The following ATP2B2 variants were observed in gnomAD, a reference collection of about 807,000 sequenced individuals.
The protein encoded by ATP2B2 is plasma membrane calcium-transporting ATPase 2.
A neutral mutation model predicts 120.0 loss-of-function variants in ATP2B2; 15 were observed. The ratio of observed to expected loss-of-function variants is 0.12; its 90% CI spans 0.08 to 0.19. ATP2B2 has a LOEUF of 0.19. Ranked by LOEUF, ATP2B2 falls within the 10% of genes least tolerant of loss-of-function variation. ATP2B2 has a pLI of 1.00. For missense variants in ATP2B2, 1,045 were observed against 1,719.8 expected (o/e 0.61, Z 6.94); for synonymous variants, 694 against 700.3 (o/e 0.99, Z 0.14).
At chr3:10,659,148 T>C (rs1010642124) in intron 1 of ATP2B2, among the ~76,000 whole-genome samples, 3 of 152,132 alleles carry the variant, frequency 2.0e-5, no homozygotes, top group Non-Finnish European at 4.4e-5. Context: ...ACATGCCAAA[T>C]TGTAAAGACC....
chr3:10,336,356 A>C, intron 22 of ATP2B2: 1 of 1,515,162 alleles, frequency 6.6e-7, no homozygotes. Context: ...CAACGGCTAC[A>C]TGACTGACAG....
At chr3:10,373,321 C>T (rs2061293979) in intron 11 of ATP2B2, among the ~76,000 whole-genome samples, 1 of 152,226 alleles carries the variant, frequency 6.6e-6, no homozygotes, top group Non-Finnish European at 1.5e-5. Flanking sequence ...GGATTTGAAC[C>T]TACCTCCGTT....
chr3:10,668,979 C>T (rs2071022182), intron 1 of ATP2B2, among the ~76,000 whole-genome samples: 1 of 152,226 alleles, frequency 6.6e-6, no homozygotes, highest in East Asian at 1.9e-4. Flanking sequence ...GTTAGAGGAT[C>T]TGTCCTGAGT....
At chr3:10,641,787 T>C (rs926080081) in intron 1 of ATP2B2, among the ~76,000 whole-genome samples, 4 of 152,114 alleles carry the variant, frequency 2.6e-5, no homozygotes, top group Non-Finnish European at 5.9e-5. Context: ...AGTCTAAAAG[T>C]GTAGGAGAGA....
intron 2 of ATP2B2, among the ~76,000 whole-genome samples, chr3:10,602,626 G>A (rs947650611): frequency 1.3e-5 from 2 of 152,176 alleles, no homozygotes; most frequent in African/African-American, 4.8e-5. Context: ...GATGACAAGC[G>A]ATATTATAAA....
rs1309860961 is a variant in ATP2B2 at position 10,350,305 on chromosome 3, A to G, written c.2316+93T>C. On this transcript the variant is annotated intron_variant, in intron 15 of 22. Transcript: ENST00000360273. ...AGAGTCACTGGGCTCTTAGCAGCAC[A>G]CTGGCTGGCTTCTGTACAATCATGC... is the stretch of plus-strand genomic sequence containing the variant. The G allele has an allele frequency of 5.0e-6, 8 of 1,593,004 alleles. No homozygotes were observed. The Admixed American group carries it at 1.2e-4, about 24-fold the overall frequency.
chr3:10,366,304 C>A (rs778736080), intron 12 of ATP2B2, among the ~76,000 whole-genome samples: 1 of 152,190 alleles, frequency 6.6e-6, no homozygotes, highest in Non-Finnish European at 1.5e-5. Context: ...ATGGGAAATA[C>A]AGCACAGCCA....
In ATP2B2 at chr3:10,328,559, T is replaced by TATAAAA; in HGVS notation, c.*254_*255insTTTTAT. 1 of 465,716 alleles carries TATAAAA rather than the reference T, an allele frequency of 2.1e-6. No individual in the cohort carries two copies. Among genetic ancestry groups the TATAAAA allele is most frequent in the Non-Finnish European group, 3.8e-6 (1 of 261,844 alleles). The allele number at this position is 465,716 out of a possible 1,614,324, so 28.8% of individuals were successfully genotyped here. A position where few individuals can be genotyped will look rare whatever the true frequency, so the allele number is the denominator to read the frequency against. On this transcript the variant is annotated 3_prime_UTR_variant, in exon 23 of 23. Transcript: ENST00000360273. ...TGGGTGGGAGCCAGGAAGGGCTTGT[T>TATAAAA]TTGGGAAAACCGCTCACTCCCGTAA...
intron 19 of ATP2B2, among the ~76,000 whole-genome samples, chr3:10,341,993 G>A (rs1456076110): frequency 6.6e-6 from 1 of 152,258 alleles, no homozygotes. Context: ...CCTGTAAGGA[G>A]AGAACTGGCC....
At chr3:10,485,952 T>G (rs1322063828) in intron 1 of ATP2B2, among the ~76,000 whole-genome samples, 1 of 152,106 alleles carries the variant, frequency 6.6e-6, no homozygotes, top group Non-Finnish European at 1.5e-5. Flanking sequence ...GGCCAGGGCA[T>G]CATGAAACTC....
intron 1 of ATP2B2, among the ~76,000 whole-genome samples, chr3:10,671,952 C>A (rs1025210355): frequency 6.6e-6 from 1 of 152,196 alleles, no homozygotes; most frequent in African/African-American, 2.4e-5. Context: ...GTGACTGAGG[C>A]CCCTGCAGTT....
intron 1 of ATP2B2, among the ~76,000 whole-genome samples, chr3:10,498,655 G>A (rs925473376): frequency 6.6e-6 from 1 of 152,234 alleles, no homozygotes. Context: ...GCCGGCACAG[G>A]AAAGGCACCA....
chr3:10,590,110 C>G (rs562949106), intron 2 of ATP2B2, among the ~76,000 whole-genome samples: 1 of 152,312 alleles, frequency 6.6e-6, no homozygotes, highest in African/African-American at 2.4e-5. Flanking sequence ...AAGCAAGGGA[C>G]TATGATACAT....
intron 2 of ATP2B2, among the ~76,000 whole-genome samples, chr3:10,606,339 T>G (rs147379564): frequency 6.6e-6 from 1 of 152,138 alleles, no homozygotes; most frequent in Non-Finnish European, 1.5e-5. Context: ...AGGCAATGCA[T>G]GTCAAGAGCC....
At chr3:10,431,224 G>A (rs1046559164) in intron 2 of ATP2B2, among the ~76,000 whole-genome samples, 4 of 152,178 alleles carry the variant, frequency 2.6e-5, no homozygotes, top group African/African-American at 4.8e-5. Flanking sequence ...ATTGAGCAGC[G>A]GCAGTGTTTG....
At chr3:10,392,861 T>C (rs1474690981) in intron 5 of ATP2B2, among the ~76,000 whole-genome samples, 1 of 152,238 alleles carries the variant, frequency 6.6e-6, no homozygotes, top group Non-Finnish European at 1.5e-5. Context: ...ATCTCAGCAA[T>C]AGTGTCTTGA....
rs552878014 is a variant in ATP2B2, at chr3:10,342,661, G to T, written c.2917+91C>A. ...TTCCCCATTAGCAAAACAGGAGGGGGTTGTGACTCGAGAATGCTGGGTGAG... is the reference window on the plus strand; with the variant it reads ...TTCCCCATTAGCAAAACAGGAGGGGTTTGTGACTCGAGAATGCTGGGTGAG... On this transcript the variant is annotated intron_variant, in intron 19 of 22. Transcript: ENST00000360273. This position sits in a 1 kb window ranked among gnomAD's most constrained non-coding sequence, Gnocchi z 4.4. The T allele has an allele frequency of 1.4e-6, 2 of 1,468,960 alleles. No individual in the cohort carries two copies. The highest frequency in any genetic ancestry group is 1.2e-5 in the South Asian group (1 of 84,992). The allele number at this position is 1,468,960 out of a possible 1,614,324, so 91.0% of individuals were successfully genotyped here.
chr3:10,652,280 A>G (rs2070487796), intron 1 of ATP2B2, among the ~76,000 whole-genome samples: 1 of 152,158 alleles, frequency 6.6e-6, no homozygotes, highest in Admixed American at 6.5e-5. Context: ...CTCAAGCAGA[A>G]AGGTTTTCAC....
Position 10,359,496 on chromosome 3 carries a change from G to C in ATP2B2, c.1901+386C>G, listed in dbSNP as rs57175409. ...TATTTCCAGCACTCCTCTGGAGTCAGAGGAGTGTGGCTAATAATGAAAATA... is the reference window on the plus strand; with the variant it reads ...TATTTCCAGCACTCCTCTGGAGTCACAGGAGTGTGGCTAATAATGAAAATA... On this transcript the variant is annotated intron_variant, in intron 13 of 22. Transcript: ENST00000360273. Among the ~76,000 whole-genome samples the C allele has an allele frequency of 3.2e-3, 484 of 152,280 alleles. 2 individuals are homozygous for C. The highest frequency in any genetic ancestry group is 0.011 in the African/African-American group (461 of 41,544).
Sources: allele counts gnomAD v4.1 joint callset (sites outside exome capture counted in the v4.1 genomes callset), GRCh38; gene constraint gnomAD v4.1.1; non-coding constraint Gnocchi (gnomAD v3.1); transcripts MANE v1.5; gene names NCBI Gene and HGNC (gene_info 2026-07-23, HGNC 2026-07-21).